Variants in SYNE2 observed in about 807,000 individuals in gnomAD.
SYNE2 encodes the protein spectrin repeat containing nuclear envelope protein 2.
Under a neutral mutation model 856.3 loss-of-function variants are expected in SYNE2, and 431 were observed. The ratio of observed to expected loss-of-function variants is 0.50; its 90% CI spans 0.47 to 0.55. The LOEUF (loss-of-function observed/expected upper bound fraction) is 0.55. Ranked by LOEUF, SYNE2 falls within the 20% of genes least tolerant of loss-of-function variation. The pLI, the probability that SYNE2 is intolerant of heterozygous loss-of-function variation, is 0.00. For synonymous variants in SYNE2, 2,923 were observed against 2,872.3 expected (o/e 1.02, Z -0.56); for missense variants, 8,129 against 8,023.2 (o/e 1.01, Z -0.50).
At chr14:63,911,899 T>C (rs887454284) in intron 2 of SYNE2, among the ~76,000 whole-genome samples, 2 of 152,236 alleles carry the variant, frequency 1.3e-5, no homozygotes, top group African/African-American at 2.4e-5. Flanking sequence ...TCGTAGGTTA[T>C]ACAATCTGTT....
At chr14:63,853,276 A>C (rs577498398) in intron 1 of SYNE2, 133 bp downstream of exon 1, 1 of 151,340 alleles carries the variant, frequency 6.6e-6, no homozygotes, top group Admixed American at 6.6e-5. Flanking sequence ...ACGGGAACCG[A>C]CCCGATGCCG....
chr14:64,142,147 G>T, intron 82 of SYNE2, 59 bp downstream of exon 82: 1 of 1,594,212 alleles, frequency 6.3e-7, no homozygotes, highest in Non-Finnish European at 8.6e-7. Flanking sequence ...AATCAGAGGG[G>T]TAATGCTGGA....
intron 73 of SYNE2, among the ~76,000 whole-genome samples, chr14:64,127,330 T>C (rs2097957372): frequency 6.6e-6 from 1 of 151,926 alleles, no homozygotes. Context: ...ATCCCAGCAC[T>C]TTGGGAGGCC....
At chr14:64,193,674 G>C (rs2098528271) in intron 99 of SYNE2, among the ~76,000 whole-genome samples, 1 of 152,210 alleles carries the variant, frequency 6.6e-6, no homozygotes, top group Admixed American at 6.5e-5. Context: ...CAATAAATCA[G>C]TTTTAATTCA....
chr14:63,871,238 T>A (rs905246317), intron 1 of SYNE2, among the ~76,000 whole-genome samples: 11 of 151,726 alleles, frequency 7.2e-5, no homozygotes, highest in Non-Finnish European at 1.3e-4. Flanking sequence ...AGAGTTTCAC[T>A]TTTGTTGCCC....
chr14:64,023,106 A>G, intron 38 of SYNE2: 1 of 451,622 alleles, frequency 2.2e-6, no homozygotes, highest in Non-Finnish European at 4.0e-6. Flanking sequence ...AAAATACAAA[A>G]ATTAGCTGGG....
intron 1 of SYNE2, among the ~76,000 whole-genome samples, chr14:63,771,174 A>G (rs1390355703): frequency 1.4e-5 from 2 of 143,080 alleles, no homozygotes; most frequent in Non-Finnish European, 3.0e-5. Flanking sequence ...GGTTCACGCC[A>G]TTCTCCTGCC....
rs978996057 is a variant in SYNE2, at chr14:63,977,179, C to A, written c.1293+452C>A. Among the ~76,000 whole-genome samples, 6 of 152,050 alleles carry A rather than the reference C, an allele frequency of 3.9e-5. No individual in the cohort carries two copies. The South Asian group carries it at 1.2e-3, about 31-fold the overall frequency. On this transcript the variant is annotated intron_variant, in intron 12 of 115. Transcript: ENST00000555002. ...TTTTACTAAAGAAACTACGGTCTGC[C>A]TCTCTGTAAAATGTTCAGATTTAAA... is the stretch of plus-strand genomic sequence containing the variant.
Position 63,976,682 on chromosome 14 carries a change from C to G in SYNE2, c.1248C>G (p.His416Gln), listed in dbSNP as rs372320901. Residue 416 changes from histidine (H) to glutamine (Q), a missense_variant, in exon 12 of 116, where the codon CAC (histidine) becomes CAG (glutamine). By Grantham distance (24) the His-to-Gln change is conservative (BLOSUM62 0). Transcript: ENST00000555002. ...AAGATTTGTCAGCCTCCCAGGATCA[C>G]TCTCAAGCCGTGACTCTGATACAAG... ...MDEDLSASQDHSQAVTLIQEK... is the reference protein window; with the variant it reads ...MDEDLSASQDQSQAVTLIQEK... The G allele has an allele frequency of 2.8e-5, 45 of 1,612,540 alleles. No homozygotes were observed. Among genetic ancestry groups the G allele is most frequent in the Non-Finnish European group, 3.6e-5 (43 of 1,179,808 alleles).
rs2098503418 is a variant in SYNE2 at position 64,188,719 on chromosome 14, A to G, written c.17871+11A>G. On this transcript the variant is annotated intron_variant, in intron 98 of 115. Coordinates refer to ENST00000555002, the MANE Select transcript of SYNE2 (RefSeq NM_182914.3). ...GAAAAGTTACAGAAGGTAAGGGAGG[A>G]CACCCAGGTGGATGTAGTTATGACT... The G allele has an allele frequency of 1.9e-6, 3 of 1,613,860 alleles. No individual in the cohort carries two copies. The highest frequency in any genetic ancestry group is 2.5e-6 in the Non-Finnish European group (3 of 1,179,966).
intron 2 of SYNE2, among the ~76,000 whole-genome samples, chr14:63,935,666 A>G (rs1243369392): frequency 6.6e-6 from 1 of 152,166 alleles, no homozygotes; most frequent in Non-Finnish European, 1.5e-5. Context: ...TGAACTCATA[A>G]AGGTAGATTT....
intron 83 of SYNE2, among the ~76,000 whole-genome samples, chr14:64,145,138 G>C (rs2153696006): frequency 6.6e-6 from 1 of 151,884 alleles, no homozygotes; most frequent in Admixed American, 6.5e-5. Flanking sequence ...TGTTGGTCAG[G>C]ATGGTCTCGA....
intron 31 of SYNE2, among the ~76,000 whole-genome samples, chr14:64,008,776 G>T (rs368672360): frequency 5.9e-5 from 9 of 152,222 alleles, no homozygotes; most frequent in Admixed American, 6.5e-5. Context: ...AGAGGCCAGG[G>T]TGGTCTCACC....
intron 52 of SYNE2, 73 bp downstream of exon 52, chr14:64,070,983 A>G: frequency 4.6e-6 from 7 of 1,511,132 alleles, no homozygotes; most frequent in South Asian, 3.4e-5. Context: ...ATCTAAAAGT[A>G]TAGAATAATG....
chr14:63,807,095 G>A (rs2139814088), intron 1 of SYNE2, among the ~76,000 whole-genome samples: 1 of 152,068 alleles, frequency 6.6e-6, no homozygotes, highest in South Asian at 2.1e-4. Context: ...AGTCCAAGGT[G>A]GGCAATTGCT....
intron 32 of SYNE2, among the ~76,000 whole-genome samples, chr14:64,016,200 G>A (rs1446502292): frequency 6.6e-6 from 1 of 151,916 alleles, no homozygotes; most frequent in South Asian, 2.1e-4. Flanking sequence ...ACATGGACAA[G>A]AAATATGGTT....
chr14:64,018,686 A>G (rs1192486218), intron 34 of SYNE2, among the ~76,000 whole-genome samples: 1 of 152,240 alleles, frequency 6.6e-6, no homozygotes, highest in African/African-American at 2.4e-5. Context: ...GGTTTCCAAT[A>G]AAAACTTTAT....
intron 98 of SYNE2, among the ~76,000 whole-genome samples, chr14:64,189,637 G>A (rs975792476): frequency 5.9e-5 from 9 of 152,150 alleles, no homozygotes; most frequent in East Asian, 3.8e-4. Flanking sequence ...TGCCTGATGC[G>A]CGTTGCCTGA....
chr14:64,201,685 G>A (rs1207611190), intron 99 of SYNE2, among the ~76,000 whole-genome samples: 1 of 152,194 alleles, frequency 6.6e-6, no homozygotes, highest in Non-Finnish European at 1.5e-5. Flanking sequence ...GCTGAGAGGA[G>A]GTTGTTCGGT....
Sources: allele counts gnomAD v4.1 joint callset (sites outside exome capture counted in the v4.1 genomes callset), GRCh38; gene constraint gnomAD v4.1.1; transcripts MANE v1.5; gene names NCBI Gene and HGNC (gene_info 2026-07-23, HGNC 2026-07-21).